Variants in NCALD observed in about 807,000 individuals in gnomAD.
NCALD encodes neurocalcin delta.
A neutral mutation model predicts 18.6 loss-of-function variants in NCALD; 10 were observed. The observed-to-expected ratio is 0.54, with a 90% confidence interval of 0.33 to 0.91. NCALD has a LOEUF of 0.91. Ranked by LOEUF, NCALD falls within the 40% of genes least tolerant of loss-of-function variation. The pLI is 0.03. For missense variants in NCALD, 184 were observed against 247.6 expected (o/e 0.74, Z 1.72); for synonymous variants, 88 against 87.4 (o/e 1.01, Z -0.04).
At chr8:101,764,008 ACACACACC>A (rs777962413) in intron 1 of NCALD, among the ~76,000 whole-genome samples, 16,695 of 107,310 alleles carry the variant, frequency 0.16, 1,203 homozygotes, top group Middle Eastern at 0.21. Context: ...ACACACACAC[ACACACACC>A]CCCTATTGGT....
intron 4 of NCALD, among the ~76,000 whole-genome samples, chr8:101,809,962 C>A (rs1362340990): frequency 6.6e-6 from 1 of 152,188 alleles, no homozygotes; most frequent in Admixed American, 6.5e-5. Context: ...CTATTTCTCT[C>A]TGTTCCAAAG....
At chr8:101,727,377 T>G (rs1194208518) in intron 1 of NCALD, among the ~76,000 whole-genome samples, 1 of 152,230 alleles carries the variant, frequency 6.6e-6, no homozygotes, top group Admixed American at 6.5e-5. Flanking sequence ...CACTGAAATC[T>G]TACTTTTCAC....
chr8:101,951,468 C>G lies in NCALD; in HGVS notation c.-156-35610G>C, dbSNP rs55758847. Among the ~76,000 whole-genome samples, 3 of 152,186 alleles carry G rather than the reference C, an allele frequency of 2.0e-5. No homozygotes were observed. In the South Asian group the frequency reaches 6.2e-4, roughly 32 times the overall value. On this transcript the variant is annotated intron_variant, in intron 2 of 6. Coordinates refer to the NCALD transcript ENST00000311028. ...TGCTCCACAAATGTCAGGGAGGGAG[C>G]GTACCAGAGGCTGGACTAAAGCTGA...
At chr8:102,080,102 TA>T (rs944579310) in intron 1 of NCALD, among the ~76,000 whole-genome samples, 5 of 151,810 alleles carry the variant, frequency 3.3e-5, no homozygotes, top group East Asian at 1.9e-4. Context: ...CTTACCTTCT[TA>T]AAAAAAAATC....
At chr8:101,833,610 G>GTTTTTTTT (rs555031298) in intron 4 of NCALD, among the ~76,000 whole-genome samples, 29 of 88,452 alleles carry the variant, frequency 3.3e-4, no homozygotes, top group Non-Finnish European at 4.8e-4. Context: ...TTTGTTTCTT[G>GTTTTTTTT]TTTTTTTTTT....
intron 4 of NCALD, among the ~76,000 whole-genome samples, chr8:101,872,989 A>T (rs1586669935): frequency 6.6e-6 from 1 of 152,180 alleles, no homozygotes; most frequent in East Asian, 1.9e-4. Flanking sequence ...CCTTCCACTA[A>T]TGCTTTGCTT....
chr8:102,103,565 T>C (rs991502669), intron 1 of NCALD, among the ~76,000 whole-genome samples: 1 of 151,870 alleles, frequency 6.6e-6, no homozygotes, highest in Non-Finnish European at 1.5e-5. Flanking sequence ...CTTTTCTTTC[T>C]TTTTTTTGAG....
intron 1 of NCALD, among the ~76,000 whole-genome samples, chr8:102,076,503 G>A (rs774163862): frequency 3.9e-5 from 6 of 152,146 alleles, no homozygotes; most frequent in Non-Finnish European, 8.8e-5. Context: ...ACATCTCAAG[G>A]CCATTAAACT....
At chr8:101,886,274 G>A (rs925091091) in intron 4 of NCALD, among the ~76,000 whole-genome samples, 8 of 152,106 alleles carry the variant, frequency 5.3e-5, no homozygotes, top group Non-Finnish European at 1.2e-4. Context: ...AAAGGAAGTG[G>A]GATGAAAAGA....
intron 2 of NCALD, among the ~76,000 whole-genome samples, chr8:101,940,570 C>G (rs1818918838): frequency 6.6e-6 from 1 of 152,128 alleles, no homozygotes; most frequent in African/African-American, 2.4e-5. Context: ...GGCTTTTTTT[C>G]TCCCACTGAG....
chr8:102,088,642 A>T (rs1238764284), intron 1 of NCALD, among the ~76,000 whole-genome samples: 1 of 152,176 alleles, frequency 6.6e-6, no homozygotes, highest in Non-Finnish European at 1.5e-5. Flanking sequence ...AAAAGTAGAT[A>T]GATCTCTTTC....
chr8:101,970,028 AAAT>A (rs1820180338), intron 2 of NCALD, among the ~76,000 whole-genome samples: 1 of 152,302 alleles, frequency 6.6e-6, no homozygotes, highest in Non-Finnish European at 1.5e-5. Context: ...GTAATACTAC[AAAT>A]AATAATAATG....
chr8:102,026,735 G>A (rs997228655), intron 1 of NCALD, among the ~76,000 whole-genome samples: 3 of 152,198 alleles, frequency 2.0e-5, no homozygotes, highest in African/African-American at 7.2e-5. Context: ...CAGTGCCCCA[G>A]TGGAGGCTCT....
At chr8:101,746,566 C>G (rs371565207) in intron 1 of NCALD, among the ~76,000 whole-genome samples, 1 of 152,062 alleles carries the variant, frequency 6.6e-6, no homozygotes, top group Non-Finnish European at 1.5e-5. Flanking sequence ...GATTCAGATT[C>G]CTGTGTTGAG....
At chr8:101,992,698 T>C (rs899034739) in intron 2 of NCALD, among the ~76,000 whole-genome samples, 1 of 152,124 alleles carries the variant, frequency 6.6e-6, no homozygotes, top group African/African-American at 2.4e-5. Context: ...ATGGGGTCAT[T>C]GCATTGCACA....
intron 4 of NCALD, among the ~76,000 whole-genome samples, chr8:101,862,575 A>G (rs1243907394): frequency 2.0e-5 from 3 of 152,252 alleles, no homozygotes; most frequent in African/African-American, 7.2e-5. Flanking sequence ...ATCTAATAGC[A>G]TAATAAAGGA....
chr8:101,745,324 T>A (rs545035135), intron 1 of NCALD, among the ~76,000 whole-genome samples: 2 of 152,302 alleles, frequency 1.3e-5, no homozygotes, highest in Admixed American at 1.3e-4. Flanking sequence ...GAGCAGCAGT[T>A]TTCATTATGT....
chr8:101,900,178 C>T (rs1160729860), intron 3 of NCALD, among the ~76,000 whole-genome samples: 1 of 151,830 alleles, frequency 6.6e-6, no homozygotes, highest in Non-Finnish European at 1.5e-5. Flanking sequence ...TTATTATTCT[C>T]TTTGATGTCT....
rs151105877 is a variant in NCALD, at chr8:101,814,393, C to T, written c.-20+72748G>A. On this transcript the variant is annotated intron_variant, in intron 4 of 6. Coordinates refer to the NCALD transcript ENST00000311028. ...AACAGGCTAAAAAAGAAATATCACACGATTATATCAAAAGATCAAAAAAGC... is the reference window on the plus strand; with the variant it reads ...AACAGGCTAAAAAAGAAATATCACATGATTATATCAAAAGATCAAAAAAGC... 2.1e-3 allele frequency among the ~76,000 whole-genome samples: 314 copies of T among 151,960 alleles called. 2 individuals are homozygous for T. Among genetic ancestry groups the T allele is most frequent in the African/African-American group, 6.4e-3 (267 of 41,506 alleles).
Sources: allele counts gnomAD v4.1 joint callset (sites outside exome capture counted in the v4.1 genomes callset), GRCh38; gene constraint gnomAD v4.1.1; transcripts MANE v1.5; gene names NCBI Gene and HGNC (gene_info 2026-07-23, HGNC 2026-07-21).